Variants in DPP8 observed in about 807,000 individuals in gnomAD.
DPP8 encodes dipeptidyl peptidase 8.
DPP8 carries 31 observed loss-of-function variants against 107.5 expected under a neutral mutation model. That is an observed-to-expected ratio of 0.29 (90% CI 0.22 to 0.39). DPP8 has a LOEUF of 0.39. Among genes scored for constraint, DPP8 ranks in the 10% least tolerant of loss-of-function variants. The pLI, the probability that DPP8 is intolerant of heterozygous loss-of-function variation, is 1.00. For missense variants in DPP8, 842 were observed against 1,076.1 expected (o/e 0.78, Z 3.04); for synonymous variants, 381 against 356.6 (o/e 1.07, Z -0.77).
At chr15:65,484,983 C>T in intron 8 of DPP8, 116 bp downstream of exon 8, 1 of 797,344 alleles carries the variant, frequency 1.3e-6, no homozygotes, top group Non-Finnish European at 2.1e-6. Context: ...TCATGATCCA[C>T]CGATATCTCA....
chr15:65,461,971 C>A lies in DPP8; in HGVS notation c.1971+1790G>T, dbSNP rs660931. On this transcript the variant is annotated intron_variant, in intron 15 of 19. Coordinates refer to ENST00000300141, the MANE Select transcript of DPP8 (RefSeq NM_130434.5). ...TAACCAGAAGTCTAAAATTTAACTT[C>A]CTTTCTTTCTTTTTTGAGACAGGGT... Among the ~76,000 whole-genome samples the A allele has an allele frequency of 2.9e-4, 44 of 151,306 alleles. 2 individuals carry two copies. The East Asian group carries it at 5.8e-3, about 20-fold the overall frequency.
In DPP8 at chr15:65,507,132, T is replaced by C. The variant is rs573010333; in HGVS notation, c.372+111A>G. On this transcript the variant is annotated intron_variant, in intron 3 of 19. Coordinates refer to ENST00000300141, the MANE Select transcript of DPP8 (RefSeq NM_130434.5). ...TCATACATGCAAAAACATAAAAACA[T>C]CTTAATTTTTTTTATTTACATCTAC... 684 of 550,636 alleles carry C rather than the reference T, an allele frequency of 1.2e-3. 4 individuals are homozygous for C. Among genetic ancestry groups the C allele is most frequent in the Non-Finnish European group, 1.8e-3 (597 of 324,814 alleles). 34.1% of individuals were successfully genotyped at this position (550,636 alleles called of 1,614,324 possible).
At chr15:65,485,842 C>A (rs575949709) in intron 7 of DPP8, among the ~76,000 whole-genome samples, 4 of 152,070 alleles carry the variant, frequency 2.6e-5, no homozygotes, top group African/African-American at 9.6e-5. Context: ...GCCTGTAATC[C>A]CAGCACTTTG....
chr15:65,473,380 C>T (rs1403535235), intron 12 of DPP8, among the ~76,000 whole-genome samples: 2 of 151,322 alleles, frequency 1.3e-5, no homozygotes, highest in Non-Finnish European at 2.9e-5. Flanking sequence ...ACAGACTAAC[C>T]TATCACAAGT....
chr15:65,506,567 G>A (rs978606889), intron 3 of DPP8, among the ~76,000 whole-genome samples: 3 of 150,996 alleles, frequency 2.0e-5, no homozygotes, highest in African/African-American at 7.3e-5. Context: ...GACCAACCCG[G>A]ACAACATAGC....
chr15:65,515,084 T>C (rs1377622795), intron 1 of DPP8, among the ~76,000 whole-genome samples: 1 of 152,150 alleles, frequency 6.6e-6, no homozygotes, highest in Non-Finnish European at 1.5e-5. Flanking sequence ...AATCAGAGGA[T>C]CCTTATGCCT....
rs1439759427 is a variant in DPP8, at chr15:65,443,439, G to A, written c.*3445C>T. On this transcript the variant is annotated 3_prime_UTR_variant, in exon 20 of 20. Transcript: ENST00000300141. Reference sequence around the variant, plus strand: ...TTATAGGAATCATTCCACCTAAAGAGAACTATGCTATAGAAAGGCGGGCTA... The same window carrying A: ...TTATAGGAATCATTCCACCTAAAGAAAACTATGCTATAGAAAGGCGGGCTA... The A allele has an allele frequency of 1.3e-5, 2 of 150,834 alleles. No homozygotes were observed. The highest frequency in any genetic ancestry group is 2.9e-5 in the Non-Finnish European group (2 of 67,874). The allele number at this position is 150,834 out of a possible 1,614,324, so 9.3% of individuals were successfully genotyped here.
intron 6 of DPP8, among the ~76,000 whole-genome samples, chr15:65,488,730 T>G (rs972535371): frequency 9.2e-5 from 14 of 152,014 alleles, no homozygotes; most frequent in African/African-American, 3.4e-4. Flanking sequence ...CTATACAGTA[T>G]ATGTATTAGG....
intron 2 of DPP8, among the ~76,000 whole-genome samples, chr15:65,511,482 A>T (rs2070759940): frequency 1.4e-5 from 2 of 147,160 alleles, no homozygotes; most frequent in South Asian, 4.3e-4. Flanking sequence ...CATCTCTATT[A>T]AAAAAAAAAC....
intron 8 of DPP8, among the ~76,000 whole-genome samples, chr15:65,484,444 T>C (rs1370876729): frequency 6.6e-6 from 1 of 151,972 alleles, no homozygotes; most frequent in African/African-American, 2.4e-5. Flanking sequence ...CCTGTGGTGA[T>C]GGTTGCAAAA....
chr15:65,459,967 ATTG>A (rs1448466039), intron 15 of DPP8, among the ~76,000 whole-genome samples: 3 of 152,134 alleles, frequency 2.0e-5, no homozygotes, highest in Non-Finnish European at 4.4e-5. Context: ...AAAAAAAAAA[ATTG>A]TTTTAATTGA....
chr15:65,472,970 AGAGGTTGTAGT>A (rs2066035247), intron 12 of DPP8, among the ~76,000 whole-genome samples: 1 of 151,484 alleles, frequency 6.6e-6, no homozygotes, highest in Admixed American at 6.6e-5. Context: ...CCCAGGAGGC[AGAGGTTGTAGT>A]GAGCCAAGAT....
chr15:65,458,487 C>T (rs1184436492), intron 15 of DPP8: 1 of 152,168 alleles, frequency 6.6e-6, no homozygotes, highest in Non-Finnish European at 1.5e-5. Context: ...TCTCAAACTC[C>T]TGACCTCAAG....
rs777364576 is a variant in DPP8 at position 65,445,191 on chromosome 15, T to C, written c.*1693A>G. 6.6e-6 allele frequency: 1 copy of C among 152,216 alleles called. No homozygotes were observed. The highest frequency in any genetic ancestry group is 1.5e-5 in the Non-Finnish European group (1 of 68,054). The allele number at this position is 152,216 out of a possible 1,614,324, so 9.4% of individuals were successfully genotyped here. On this transcript the variant is annotated 3_prime_UTR_variant, in exon 20 of 20. Coordinates refer to ENST00000300141, the MANE Select transcript of DPP8 (RefSeq NM_130434.5). ...TTCCCTACCTCCCACTTGGTGTCAA[T>C]GAAGTCCACCTCTTACCAATAGTCA...
chr15:65,454,114 G>T, intron 17 of DPP8, 149 bp downstream of exon 17: 1 of 509,600 alleles, frequency 2.0e-6, no homozygotes, highest in Non-Finnish European at 3.0e-6. Context: ...TCCAGCCCGG[G>T]TTACAGAGCA....
intron 14 of DPP8, among the ~76,000 whole-genome samples, chr15:65,465,029 C>T (rs1329338305): frequency 6.6e-6 from 1 of 152,198 alleles, no homozygotes; most frequent in African/African-American, 2.4e-5. Flanking sequence ...CAAAGCTATA[C>T]AGACCTCTCC....
chr15:65,503,585 C>T (rs761597104), intron 3 of DPP8, among the ~76,000 whole-genome samples: 8 of 151,824 alleles, frequency 5.3e-5, no homozygotes, highest in Non-Finnish European at 1.0e-4. Context: ...GGATTACAGG[C>T]GCTGCACCCC....
chr15:65,480,128 T>G, intron 10 of DPP8, 94 bp downstream of exon 10: 2 of 1,090,364 alleles, frequency 1.8e-6, no homozygotes, highest in East Asian at 2.6e-5. Flanking sequence ...CCTTTAAACT[T>G]AAAAAAAAAT....
chr15:65,510,374 G>T (rs2070610530), intron 2 of DPP8, among the ~76,000 whole-genome samples: 1 of 151,892 alleles, frequency 6.6e-6, no homozygotes, highest in Admixed American at 6.6e-5. Context: ...ATCCCACAAA[G>T]GATTAATTCA....
Sources: allele counts gnomAD v4.1 joint callset (sites outside exome capture counted in the v4.1 genomes callset), GRCh38; gene constraint gnomAD v4.1.1; transcripts MANE v1.5; gene names NCBI Gene and HGNC (gene_info 2026-07-23, HGNC 2026-07-21).